Variants in IMMP2L observed in about 807,000 individuals in gnomAD.
IMMP2L encodes the protein inner mitochondrial membrane peptidase subunit 2, also known as mitochondrial inner membrane protease subunit 2.
In IMMP2L, 18 loss-of-function variants were observed where a neutral mutation model predicts 19.3. That is an observed-to-expected ratio of 0.93 (90% CI 0.64 to 1.38). IMMP2L has a LOEUF of 1.38. IMMP2L is among the 40% of genes most tolerant of loss of function. The probability of loss-of-function intolerance (pLI) is 0.00; values close to 1 mark genes in which losing one functional copy is unlikely to be tolerated. For synonymous variants in IMMP2L, 76 were observed against 73.0 expected (o/e 1.04, Z -0.21); for missense variants, 233 against 218.2 (o/e 1.07, Z -0.43).
At chr7:111,474,905 G>C (rs1407813763) in intron 3 of IMMP2L, among the ~76,000 whole-genome samples, 1 of 151,974 alleles carries the variant, frequency 6.6e-6, no homozygotes, top group Non-Finnish European at 1.5e-5. Flanking sequence ...ATTTATGTGA[G>C]ACATACTATT....
intron 2 of IMMP2L, among the ~76,000 whole-genome samples, chr7:111,519,414 T>C (rs1846151034): frequency 6.6e-6 from 1 of 152,148 alleles, no homozygotes; most frequent in Admixed American, 6.6e-5. Flanking sequence ...AAGGAAACTA[T>C]ACAATATACC....
In IMMP2L at chr7:111,056,780, C is replaced by T. The variant is rs140464701; in HGVS notation, c.240-93215G>A. Among the ~76,000 whole-genome samples, 367 of 152,208 alleles carry T rather than the reference C, an allele frequency of 2.4e-3. 1 individual carries two copies. Among genetic ancestry groups the T allele is most frequent in the Non-Finnish European group, 4.3e-3 (290 of 68,018 alleles). Reference sequence around the variant, plus strand: ...TCATAAGGAAAAGAAAATATATTTACTATCCATTAAGTGGAAGCAATTAAT... The same window carrying T: ...TCATAAGGAAAAGAAAATATATTTATTATCCATTAAGTGGAAGCAATTAAT... On this transcript the variant is annotated intron_variant, in intron 3 of 5. Transcript: ENST00000405709.
At chr7:111,179,386 T>G (rs974182601) in intron 3 of IMMP2L, among the ~76,000 whole-genome samples, 17 of 152,082 alleles carry the variant, frequency 1.1e-4, no homozygotes, top group Admixed American at 3.3e-4. Flanking sequence ...TTGCAATTTT[T>G]TTTTTAGCCT....
intron 3 of IMMP2L, among the ~76,000 whole-genome samples, chr7:111,381,281 CAG>C (rs1248498314): frequency 6.6e-6 from 1 of 151,786 alleles, no homozygotes; most frequent in African/African-American, 2.4e-5. Flanking sequence ...AAAGTGAAAA[CAG>C]AGGAGCAATG....
At chr7:111,542,567 A>G (rs1345753491) in intron 1 of IMMP2L, among the ~76,000 whole-genome samples, 1 of 152,150 alleles carries the variant, frequency 6.6e-6, no homozygotes, top group African/African-American at 2.4e-5. Context: ...CACTGCCTCC[A>G]GTTATTCATA....
chr7:110,988,938 A>G (rs1295632476), intron 3 of IMMP2L, among the ~76,000 whole-genome samples: 1 of 152,110 alleles, frequency 6.6e-6, no homozygotes, highest in Non-Finnish European at 1.5e-5. Context: ...GGAAAGATAG[A>G]CATTAATATG....
chr7:111,206,235 C>T (rs1423924310), intron 3 of IMMP2L, among the ~76,000 whole-genome samples: 1 of 152,152 alleles, frequency 6.6e-6, no homozygotes, highest in Non-Finnish European at 1.5e-5. Context: ...CTAGATAGTG[C>T]TTGCTTTAAC....
At chr7:110,809,571 A>G (rs1216585567) in intron 5 of IMMP2L, among the ~76,000 whole-genome samples, 1 of 152,036 alleles carries the variant, frequency 6.6e-6, no homozygotes, top group African/African-American at 2.4e-5. Flanking sequence ...TACATACTGT[A>G]TTAATAACAA....
intron 3 of IMMP2L, among the ~76,000 whole-genome samples, chr7:111,343,055 A>G (rs1827181908): frequency 6.6e-6 from 1 of 152,078 alleles, no homozygotes; most frequent in African/African-American, 2.4e-5. Context: ...AAACCTAACC[A>G]AGCTGAAAAT....
intron 3 of IMMP2L, among the ~76,000 whole-genome samples, chr7:111,212,268 C>T (rs1216403748): frequency 6.6e-6 from 1 of 151,928 alleles, no homozygotes; most frequent in Admixed American, 6.6e-5. Context: ...AATAATAGTT[C>T]ATAGATTTTC....
At chr7:110,986,407 G>A (rs1821859843) in intron 3 of IMMP2L, among the ~76,000 whole-genome samples, 2 of 152,130 alleles carry the variant, frequency 1.3e-5, no homozygotes, top group Non-Finnish European at 2.9e-5. Context: ...GAGTTTAGGA[G>A]AGATTCCTCC....
chr7:110,755,677 G>A (rs1797995840), intron 5 of IMMP2L, among the ~76,000 whole-genome samples: 1 of 152,134 alleles, frequency 6.6e-6, no homozygotes, highest in South Asian at 2.1e-4. Context: ...CTATAGTGGA[G>A]TTGTTAAAAG....
rs191251281 is a variant in IMMP2L, at chr7:111,142,319, C to G, written c.240-178754G>C. On this transcript the variant is annotated intron_variant, in intron 3 of 5. Transcript: ENST00000405709. Reference sequence around the variant, plus strand: ...CCAGCCTGGGCAACAGGGTGAGACTCTGTCTCAAAAAAAAAAAAAAAAAAG... The same window carrying G: ...CCAGCCTGGGCAACAGGGTGAGACTGTGTCTCAAAAAAAAAAAAAAAAAAG... Among the ~76,000 whole-genome samples the G allele has an allele frequency of 5.4e-3, 708 of 131,238 alleles. 11 individuals carry two copies. Among genetic ancestry groups the G allele is most frequent in the African/African-American group, 0.021 (656 of 30,528 alleles). 86.1% of individuals were successfully genotyped at this position (131,238 alleles called of 152,430 possible). A position where few individuals can be genotyped will look rare whatever the true frequency, so the allele number is the denominator to read the frequency against.
intron 3 of IMMP2L, among the ~76,000 whole-genome samples, chr7:110,997,656 T>C (rs925041863): frequency 3.9e-5 from 6 of 152,198 alleles, no homozygotes; most frequent in Non-Finnish European, 7.3e-5. Context: ...CATCTGCATA[T>C]ACTTTTCAGT....
chr7:111,109,927 A>C (rs1057025215), intron 3 of IMMP2L, among the ~76,000 whole-genome samples: 1 of 152,192 alleles, frequency 6.6e-6, no homozygotes, highest in African/African-American at 2.4e-5. Context: ...CAAGGTCAGG[A>C]GTTCAAGACC....
At chr7:111,465,565 C>A (rs10255592) in intron 3 of IMMP2L, among the ~76,000 whole-genome samples, 13,532 of 140,346 alleles carry the variant, frequency 0.096, 752 homozygotes, top group African/African-American at 0.15. Context: ...CCAAAAGACA[C>A]ATGAAAAAAT....
At chr7:111,110,586 C>G (rs1329633830) in intron 3 of IMMP2L, among the ~76,000 whole-genome samples, 2 of 152,098 alleles carry the variant, frequency 1.3e-5, no homozygotes, top group African/African-American at 4.8e-5. Context: ...TACTACATAA[C>G]TGTCTTGAAG....
intron 5 of IMMP2L, among the ~76,000 whole-genome samples, chr7:110,761,465 G>T (rs1007499462): frequency 3.3e-5 from 5 of 152,114 alleles, no homozygotes; most frequent in Admixed American, 6.6e-5. Flanking sequence ...ACACTATGCT[G>T]AAGTCCTTCC....
chr7:110,852,767 A>G (rs1430848399), intron 5 of IMMP2L, among the ~76,000 whole-genome samples: 1 of 152,062 alleles, frequency 6.6e-6, no homozygotes, highest in Non-Finnish European at 1.5e-5. Context: ...GTCTTCCAAT[A>G]GAAACCCCGG....
Sources: gnomAD v4.1 joint callset for allele counts (sites outside exome capture counted in the v4.1 genomes callset) on GRCh38, gnomAD v4.1.1 for gene constraint, MANE v1.5 for transcripts, NCBI Gene and HGNC (gene_info 2026-07-23, HGNC 2026-07-21) for gene names.